The following PABPC4L variants were observed in gnomAD, a reference collection of about 807,000 sequenced individuals.
PABPC4L encodes the protein poly(A) binding protein cytoplasmic 4 like.
For missense variants in PABPC4L, 452 were observed against 451.4 expected (o/e 1.00, Z -0.01); for synonymous variants, 169 against 164.1 (o/e 1.03, Z -0.23).
chr4:134,105,484 A>T, the PABPC4L span, among the ~76,000 whole-genome samples: 1 of 151,754 alleles, frequency 6.6e-6, no homozygotes, highest in Non-Finnish European at 1.5e-5. Flanking sequence ...GGCCAATAAA[A>T]CTGAAATATT....
the PABPC4L span, among the ~76,000 whole-genome samples, chr4:133,991,142 G>A: frequency 3.9e-5 from 6 of 152,272 alleles, no homozygotes; most frequent in Non-Finnish European, 8.8e-5. Flanking sequence ...AGACAAACAT[G>A]AGTATAATCA....
chr4:134,161,336 A>G, the PABPC4L span, among the ~76,000 whole-genome samples: 2 of 152,184 alleles, frequency 1.3e-5, no homozygotes, highest in East Asian at 3.9e-4. Flanking sequence ...AAGAGGATGT[A>G]GAGAGAGAGA....
the PABPC4L span, among the ~76,000 whole-genome samples, chr4:134,129,804 C>G: frequency 6.6e-6 from 1 of 151,956 alleles, no homozygotes; most frequent in Non-Finnish European, 1.5e-5. Context: ...TGCAGTGGCT[C>G]ACACCTGTAA....
chr4:134,011,116 A>G, the PABPC4L span, among the ~76,000 whole-genome samples: 1 of 152,092 alleles, frequency 6.6e-6, no homozygotes. Context: ...ACTTTGTTCT[A>G]CTGTATTATT....
the PABPC4L span, among the ~76,000 whole-genome samples, chr4:134,009,835 T>G: frequency 6.6e-6 from 1 of 152,066 alleles, no homozygotes; most frequent in African/African-American, 2.4e-5. Context: ...AAATGTATAT[T>G]AATTGTTCTA....
chr4:134,013,044 G>C, the PABPC4L span, among the ~76,000 whole-genome samples: 1 of 151,988 alleles, frequency 6.6e-6, no homozygotes, highest in Non-Finnish European at 1.5e-5. Context: ...GACCACACAG[G>C]GATGCCTGCC....
chr4:134,032,397 A>C, the PABPC4L span, among the ~76,000 whole-genome samples: 2 of 151,880 alleles, frequency 1.3e-5, no homozygotes, highest in Non-Finnish European at 2.9e-5. Context: ...TGATGGAAGA[A>C]ACAAGCCTTA....
the PABPC4L span, among the ~76,000 whole-genome samples, chr4:134,191,182 T>A: frequency 6.6e-6 from 1 of 152,164 alleles, no homozygotes; most frequent in Non-Finnish European, 1.5e-5. Context: ...AACTAACGTG[T>A]TCTGCAGTTG....
the PABPC4L span, among the ~76,000 whole-genome samples, chr4:134,190,876 T>G: frequency 6.6e-6 from 1 of 152,098 alleles, no homozygotes; most frequent in Non-Finnish European, 1.5e-5. Flanking sequence ...GGTCTCTAAC[T>G]CCTGACCTCA....
chr4:134,058,347 T>C, the PABPC4L span, among the ~76,000 whole-genome samples: 1 of 151,956 alleles, frequency 6.6e-6, no homozygotes, highest in Non-Finnish European at 1.5e-5. Context: ...TTAAACATAG[T>C]TTTGAAAATA....
At chr4:134,171,315 C>T in the PABPC4L span, among the ~76,000 whole-genome samples, 1 of 152,058 alleles carries the variant, frequency 6.6e-6, no homozygotes, top group African/African-American at 2.4e-5. Context: ...GGGGTTTCAC[C>T]ATGTTGGCCA....
chr4:133,956,320 T>G, the PABPC4L span, among the ~76,000 whole-genome samples: 283 of 152,258 alleles, frequency 1.9e-3, 1 homozygote, highest in Middle Eastern at 6.8e-3. Flanking sequence ...AAGAAACAAG[T>G]GTTAAAGTAA....
At chr4:134,014,010 T>G in the PABPC4L span, among the ~76,000 whole-genome samples, 1 of 152,144 alleles carries the variant, frequency 6.6e-6, no homozygotes, top group Non-Finnish European at 1.5e-5. Context: ...TAGTCAAGGT[T>G]AATGCTCCTT....
chr4:134,032,869 G>C, the PABPC4L span, among the ~76,000 whole-genome samples: 1 of 151,780 alleles, frequency 6.6e-6, no homozygotes, highest in Non-Finnish European at 1.5e-5. Context: ...GAGTTTTTAT[G>C]CTGTGACCAT....
the PABPC4L span, among the ~76,000 whole-genome samples, chr4:134,070,551 C>G: frequency 6.6e-6 from 1 of 152,066 alleles, no homozygotes; most frequent in Non-Finnish European, 1.5e-5. Flanking sequence ...CTCATGCCAG[C>G]TGCAGTGTCC....
At chr4:134,079,696 TGAGAGA>T in the PABPC4L span, among the ~76,000 whole-genome samples, 198 of 146,370 alleles carry the variant, frequency 1.4e-3, no homozygotes, top group African/African-American at 4.8e-3. Flanking sequence ...TCTGTGTGTG[TGAGAGA>T]GAGAGAGAGA....
chr4:134,073,109 T>C, the PABPC4L span, among the ~76,000 whole-genome samples: 4 of 152,140 alleles, frequency 2.6e-5, no homozygotes. Context: ...TCTTAACTCA[T>C]TTTAGCATTA....
the PABPC4L span, among the ~76,000 whole-genome samples, chr4:134,008,955 A>C: frequency 6.6e-6 from 1 of 151,792 alleles, no homozygotes; most frequent in Non-Finnish European, 1.5e-5. Context: ...GTGCTGCTAT[A>C]ATGTGAAATG....
chr4:134,175,426 AATTAATT>A, the PABPC4L span, among the ~76,000 whole-genome samples: 10 of 151,964 alleles, frequency 6.6e-5, no homozygotes, highest in Non-Finnish European at 1.2e-4. Flanking sequence ...TTATTTTTTA[AATTAATT>A]AATTAATTAA....
Sources: allele counts gnomAD v4.1 joint callset (sites outside exome capture counted in the v4.1 genomes callset), GRCh38; gene constraint gnomAD v4.1.1; transcripts MANE v1.5; gene names NCBI Gene and HGNC (gene_info 2026-07-23, HGNC 2026-07-21).